The following H3-3A variants were observed in gnomAD, a reference collection of about 807,000 sequenced individuals.
The protein encoded by H3-3A is H3.3 histone A.
For missense variants in H3-3A, 7 were observed against 184.0 expected, an observed-to-expected ratio of 0.04 and a Z score of 5.57; for synonymous variants, 49 against 61.4, an observed-to-expected ratio of 0.80 and a Z score of 0.95.
At chr1:226,064,246 T>G in intron 1 of H3-3A, 83 bp from the exon 2 acceptor site, 8 of 925,060 alleles carry the variant, frequency 8.6e-6, no homozygotes, top group Non-Finnish European at 1.4e-5. Context: ...AATTTCCAGA[T>G]TTGGGGAGGG....
chr1:226,065,767 A>G lies in H3-3A; in HGVS notation c.240A>G (p.Lys80=). 1.2e-6 allele frequency: 2 copies of G among 1,609,896 alleles called. No individual in the cohort carries two copies. Among genetic ancestry groups the G allele is most frequent in the Non-Finnish European group, 1.7e-6 (2 of 1,177,426 alleles). ...TGCGAGAAATTGCTCAGGACTTTAA[A>G]ACAGATCTGCGCTTCCAGAGCGCAG... The part of the protein sequence containing the change: ...RLVREIAQDF[K]TDLRFQSAAI... The change falls in exon 3 of 4, where the codon AAA becomes AAG. Residue 80 remains lysine (K), a synonymous_variant. Transcript: ENST00000366815.
At chr1:226,064,510 AG>A in intron 2 of H3-3A, 31 bp downstream of exon 2, 1 of 1,592,232 alleles carries the variant, frequency 6.3e-7, no homozygotes, top group Admixed American at 1.7e-5. Context: ...AATGGGACAA[AG>A]TCTCTCTTGT....
chr1:226,064,640 T>TTA (rs1448477355), intron 2 of H3-3A, among the ~76,000 whole-genome samples, 161 bp downstream of exon 2: 1 of 152,210 alleles, frequency 6.6e-6, no homozygotes, highest in African/African-American at 2.4e-5. Context: ...GTATGATCAT[T>TTA]TATATATAAA....
chr1:226,069,951 C>G (rs965026381), intron 3 of H3-3A, among the ~76,000 whole-genome samples: 2 of 152,168 alleles, frequency 1.3e-5, no homozygotes, highest in African/African-American at 2.4e-5. Context: ...TAAGTGGAAA[C>G]GCCCCTTTTT....
chr1:226,064,210 C>T, intron 1 of H3-3A, 119 bp from the exon 2 acceptor site: 1 of 682,800 alleles, frequency 1.5e-6, no homozygotes, highest in Middle Eastern at 4.1e-4. Flanking sequence ...TATAACAATA[C>T]GAACATTATT....
upstream of H3-3A, chr1:226,062,054 G>C (rs1342079512): frequency 2.0e-5 from 3 of 152,190 alleles, no homozygotes; most frequent in Non-Finnish European, 4.4e-5. Flanking sequence ...CAGGCGGGAA[G>C]GAGGCCGTCG....
At chr1:226,061,842 A>G (rs1657715027), upstream of H3-3A, 1 of 152,296 alleles carries the variant, frequency 6.6e-6, no homozygotes, top group African/African-American at 2.4e-5. Context: ...CACATTGTTT[A>G]GAGGCCGACG....
chr1:226,065,963 G>A, intron 3 of H3-3A, 154 bp downstream of exon 3: 1 of 695,512 alleles, frequency 1.4e-6, no homozygotes, highest in Non-Finnish European at 2.6e-6. Context: ...AGGTTAAATT[G>A]CTCAAGGTCA....
intron 1 of H3-3A, chr1:226,064,059 G>A: frequency 4.0e-6 from 1 of 249,968 alleles, no homozygotes; most frequent in Admixed American, 5.1e-5. Flanking sequence ...ATCAAAGGCC[G>A]TTCGAGGTAT....
intron 3 of H3-3A, chr1:226,066,554 C>A (rs939151533): frequency 6.6e-6 from 1 of 152,196 alleles, no homozygotes; most frequent in Admixed American, 6.5e-5. Context: ...GAAATTCCTA[C>A]AAGATACTTG....
chr1:226,066,141 G>A (rs1657917536), intron 3 of H3-3A: 1 of 428,026 alleles, frequency 2.3e-6, no homozygotes, highest in East Asian at 3.4e-5. Context: ...AAGAACTTGA[G>A]ACTAGAGGTC....
At chr1:226,071,091 T>G (rs1019144793) in intron 3 of H3-3A, among the ~76,000 whole-genome samples, 4 of 152,340 alleles carry the variant, frequency 2.6e-5, no homozygotes, top group South Asian at 2.1e-4. Flanking sequence ...TTAGAAAAAT[T>G]GAAGTTTCCT....
intron 1 of H3-3A, among the ~76,000 whole-genome samples, chr1:226,063,739 G>A (rs1657820959): frequency 1.3e-5 from 2 of 152,324 alleles, no homozygotes; most frequent in South Asian, 2.1e-4. Flanking sequence ...AAGCCTGTGA[G>A]GACTGGACGC....
intron 2 of H3-3A, 124 bp downstream of exon 2, chr1:226,064,603 C>T: frequency 1.5e-6 from 1 of 645,926 alleles, no homozygotes. Flanking sequence ...CATTTGAACA[C>T]TTAACTACTG....
intron 3 of H3-3A, among the ~76,000 whole-genome samples, chr1:226,067,658 C>T (rs938145427): frequency 4.0e-5 from 6 of 151,732 alleles, no homozygotes; most frequent in Admixed American, 3.9e-4. Flanking sequence ...AGGAGAATTG[C>T]TTAAACCCGG....
Position 226,065,795 on chromosome 1 carries a change from A to G in H3-3A, c.268A>G (p.Ile90Val), listed in dbSNP as rs1361167256. The G allele has an allele frequency of 1.2e-6, 2 of 1,600,782 alleles. No homozygotes were observed. Among genetic ancestry groups the G allele is most frequent in the Non-Finnish European group, 8.5e-7 (1 of 1,172,302 alleles). ...KTDLRFQSAA[I>V]GALQEASEAY... is the part of the protein sequence containing the mutation. ...AGATCTGCGCTTCCAGAGCGCAGCT[A>G]TCGGTGCTTTGCAGGTAAAATGGTG... is the stretch of plus-strand genomic sequence containing the variant. The change falls in exon 3 of 4, where the codon ATC (isoleucine) becomes GTC (valine). Residue 90 changes from isoleucine (I) to valine (V), a missense_variant. Physicochemically the swap from Ile to Val is conservative, Grantham distance 29. Coordinates refer to ENST00000366815, the MANE Select transcript of H3-3A (RefSeq NM_002107.7).
chr1:226,070,548 T>C (rs1043517059), intron 3 of H3-3A, among the ~76,000 whole-genome samples: 2 of 150,832 alleles, frequency 1.3e-5, no homozygotes, highest in Non-Finnish European at 3.0e-5. Flanking sequence ...CCAAGGTGGG[T>C]GGATCACGAG....
chr1:226,067,233 C>T (rs1446678722), intron 3 of H3-3A: 2 of 152,112 alleles, frequency 1.3e-5, no homozygotes, highest in African/African-American at 4.8e-5. Context: ...GTAAAAGACT[C>T]ATCTTTCTAA....
intron 2 of H3-3A, 101 bp downstream of exon 2, chr1:226,064,580 A>C: frequency 1.1e-6 from 1 of 918,120 alleles, no homozygotes; most frequent in East Asian, 2.6e-5. Flanking sequence ...GCTTTAGAGA[A>C]ACTTTTTTTT....
Sources: gnomAD v4.1 joint callset for allele counts (sites outside exome capture counted in the v4.1 genomes callset) on GRCh38, gnomAD v4.1.1 for gene constraint, MANE v1.5 for transcripts, NCBI Gene and HGNC (gene_info 2026-07-23, HGNC 2026-07-21) for gene names.